HSD17B12: variants seen among roughly 807,000 people sequenced by gnomAD.
HSD17B12 encodes the protein hydroxysteroid 17-beta dehydrogenase 12.
A neutral mutation model predicts 39.3 loss-of-function variants in HSD17B12; 32 were observed. The ratio of observed to expected loss-of-function variants is 0.81; its 90% CI spans 0.61 to 1.09. The LOEUF (loss-of-function observed/expected upper bound fraction) is 1.09, where lower values mean the gene tolerates loss of function less well. HSD17B12 is among the 50% of genes least tolerant of loss of function. The pLI is 0.00. For missense variants in HSD17B12, 342 were observed against 382.9 expected, an observed-to-expected ratio of 0.89 and a Z score of 0.89; for synonymous variants, 150 against 146.7, an observed-to-expected ratio of 1.02 and a Z score of -0.16.
the HSD17B12 span, among the ~76,000 whole-genome samples, chr11:43,631,442 G>C: frequency 6.6e-6 from 1 of 152,094 alleles, no homozygotes; most frequent in Non-Finnish European, 1.5e-5. Context: ...AGCTCCTTCT[G>C]ACCAATCCTA....
At chr11:43,776,891 G>C (rs1459944666) in intron 3 of HSD17B12, among the ~76,000 whole-genome samples, 2 of 152,074 alleles carry the variant, frequency 1.3e-5, no homozygotes, top group Non-Finnish European at 2.9e-5. Flanking sequence ...GTTTTTCTCA[G>C]GTTTGTCAAA....
At chr11:43,611,862 G>C in the HSD17B12 span, among the ~76,000 whole-genome samples, 2 of 152,158 alleles carry the variant, frequency 1.3e-5, no homozygotes, top group Non-Finnish European at 2.9e-5. Context: ...GAGATTTAAA[G>C]AGATTAGTTT....
At chr11:43,609,841 C>T in the HSD17B12 span, among the ~76,000 whole-genome samples, 2 of 152,170 alleles carry the variant, frequency 1.3e-5, no homozygotes, top group Admixed American at 1.3e-4. Context: ...GAGGCTTGTA[C>T]TACATGGCTT....
intron 7 of HSD17B12, among the ~76,000 whole-genome samples, chr11:43,832,846 A>G (rs1951325928): frequency 1.3e-5 from 2 of 152,128 alleles, no homozygotes; most frequent in African/African-American, 4.8e-5. Context: ...CCTGGTCAAC[A>G]TGGCAAGACC....
the HSD17B12 span, among the ~76,000 whole-genome samples, chr11:43,617,753 C>CA: frequency 6.6e-6 from 1 of 152,064 alleles, no homozygotes; most frequent in African/African-American, 2.4e-5. Context: ...CCCCTTGCAG[C>CA]AAGTGTGGAC....
chr11:43,741,856 C>A (rs922023182), intron 1 of HSD17B12, among the ~76,000 whole-genome samples: 8 of 150,116 alleles, frequency 5.3e-5, no homozygotes, highest in Non-Finnish European at 1.0e-4. Context: ...GCCTCAGCCT[C>A]CCAAGCAGCT....
intron 3 of HSD17B12, among the ~76,000 whole-genome samples, chr11:43,760,951 G>A (rs1221967942): frequency 1.3e-5 from 2 of 152,116 alleles, no homozygotes; most frequent in African/African-American, 2.4e-5. Flanking sequence ...CATCCATTTT[G>A]CCTCTACTGG....
At chr11:43,778,709 A>C (rs926971779) in intron 3 of HSD17B12, among the ~76,000 whole-genome samples, 1 of 151,780 alleles carries the variant, frequency 6.6e-6, no homozygotes, top group Non-Finnish European at 1.5e-5. Flanking sequence ...GTAATCCAGC[A>C]TATAAACAGA....
chr11:43,615,481 T>C, the HSD17B12 span, among the ~76,000 whole-genome samples: 7 of 152,218 alleles, frequency 4.6e-5, no homozygotes, highest in Admixed American at 3.9e-4. Context: ...TGGTGCCCAA[T>C]ACACAAATTC....
At chr11:43,796,916 G>A (rs990573261) in intron 3 of HSD17B12, among the ~76,000 whole-genome samples, 1 of 151,726 alleles carries the variant, frequency 6.6e-6, no homozygotes, top group Non-Finnish European at 1.5e-5. Context: ...TAAATTCTGT[G>A]AAATGTTAAA....
At chr11:43,678,911 A>G (rs1053045342), upstream of HSD17B12, among the ~76,000 whole-genome samples, 89 of 152,282 alleles carry the variant, frequency 5.8e-4, no homozygotes, top group African/African-American at 2.1e-3. Flanking sequence ...TTGACTTGGC[A>G]ATGCGGGCTC....
chr11:43,763,623 A>T (rs961194885), intron 3 of HSD17B12, among the ~76,000 whole-genome samples: 1 of 148,086 alleles, frequency 6.8e-6, no homozygotes, highest in Non-Finnish European at 1.5e-5. Flanking sequence ...ATATATATAT[A>T]TATCTTATCT....
At position 43,717,497 on chromosome 11, in the gene HSD17B12, G is replaced by A. The variant is rs531707263; in HGVS notation, c.161-33414G>A. 6.6e-5 allele frequency among the ~76,000 whole-genome samples: 10 copies of A among 152,184 alleles called. No homozygotes were observed. In the South Asian group the frequency reaches 1.5e-3, roughly 22 times the overall value. ...AACTTAGTGATTAAAAAAAATTATTGCTTATGATTTTGTGGATCCGGAGTT... is the reference window on the plus strand; with the variant it reads ...AACTTAGTGATTAAAAAAAATTATTACTTATGATTTTGTGGATCCGGAGTT... On this transcript the variant is annotated intron_variant, in intron 1 of 10. Coordinates refer to ENST00000278353, the MANE Select transcript of HSD17B12 (RefSeq NM_016142.3).
intron 3 of HSD17B12, among the ~76,000 whole-genome samples, chr11:43,763,446 T>C (rs1224290403): frequency 6.6e-6 from 1 of 152,044 alleles, no homozygotes; most frequent in Non-Finnish European, 1.5e-5. Context: ...CCAGGCTGGA[T>C]ACTGAGGCGC....
chr11:43,639,665 G>A, the HSD17B12 span, among the ~76,000 whole-genome samples: 1 of 151,024 alleles, frequency 6.6e-6, no homozygotes, highest in East Asian at 1.9e-4. Flanking sequence ...CATCCTTCAG[G>A]GGAAAAAAAA....
At chr11:43,765,691 A>T (rs1055452555) in intron 3 of HSD17B12, among the ~76,000 whole-genome samples, 2 of 151,804 alleles carry the variant, frequency 1.3e-5, no homozygotes, top group Non-Finnish European at 2.9e-5. Context: ...TCATTTTTGG[A>T]CAGTGTTTAT....
At chr11:43,647,025 AG>A in the HSD17B12 span, among the ~76,000 whole-genome samples, 1 of 152,206 alleles carries the variant, frequency 6.6e-6, no homozygotes, top group Non-Finnish European at 1.5e-5. Context: ...ATAACACCAA[AG>A]GGTAACTTTC....
chr11:43,736,665 G>C (rs541355715), intron 1 of HSD17B12, among the ~76,000 whole-genome samples: 1 of 152,166 alleles, frequency 6.6e-6, no homozygotes, highest in Non-Finnish European at 1.5e-5. Flanking sequence ...ATGATTAGGA[G>C]AACAAGTTAG....
intron 3 of HSD17B12, among the ~76,000 whole-genome samples, chr11:43,760,647 T>C (rs948155103): frequency 1.3e-5 from 2 of 152,240 alleles, no homozygotes; most frequent in Non-Finnish European, 2.9e-5. Context: ...AGTTAAGATA[T>C]GAATTTGACC....
Sources: allele counts gnomAD v4.1 joint callset (sites outside exome capture counted in the v4.1 genomes callset), GRCh38; gene constraint gnomAD v4.1.1; transcripts MANE v1.5; gene names NCBI Gene and HGNC (gene_info 2026-07-23, HGNC 2026-07-21).